Variants in MPP7 observed in about 807,000 individuals in gnomAD.
MPP7 encodes the protein MAGUK p55 scaffold protein 7.
Under a neutral mutation model 76.5 loss-of-function variants are expected in MPP7, and 60 were observed. The ratio of observed to expected loss-of-function variants is 0.78; its 90% CI spans 0.64 to 0.97. The LOEUF (loss-of-function observed/expected upper bound fraction) is 0.97. Among genes scored for constraint, MPP7 ranks in the 50% least tolerant of loss-of-function variants. The pLI is 0.00. For missense variants in MPP7, 641 were observed against 694.0 expected (o/e 0.92, Z 0.86); for synonymous variants, 237 against 244.5 (o/e 0.97, Z 0.29).
At chr10:28,170,752 T>C (rs1474603480) in intron 3 of MPP7, among the ~76,000 whole-genome samples, 1 of 152,122 alleles carries the variant, frequency 6.6e-6, no homozygotes, top group Non-Finnish European at 1.5e-5. Flanking sequence ...CACAATTAGA[T>C]TTTTAGAAGT....
At chr10:28,196,481 A>G (rs1306428687) in intron 3 of MPP7, among the ~76,000 whole-genome samples, 1 of 126 alleles carries the variant, frequency 7.9e-3, no homozygotes, top group Admixed American at 0.083. Context: ...CTCCATCTCG[A>G]AAAAAAAAAA....
At chr10:28,316,076 T>G (rs1014226656) in intron 2 of MPP7, among the ~76,000 whole-genome samples, 1 of 152,034 alleles carries the variant, frequency 6.6e-6, no homozygotes, top group Non-Finnish European at 1.5e-5. Flanking sequence ...TAAAGAGACA[T>G]GACAAGTAAA....
intron 11 of MPP7, among the ~76,000 whole-genome samples, chr10:28,116,559 T>A (rs1588794901): frequency 6.6e-6 from 1 of 152,094 alleles, no homozygotes; most frequent in African/African-American, 2.4e-5. Context: ...TCTGCATTAC[T>A]AATATAAATC....
At chr10:28,233,843 C>G (rs181088822) in intron 2 of MPP7, among the ~76,000 whole-genome samples, 3 of 151,696 alleles carry the variant, frequency 2.0e-5, no homozygotes, top group Non-Finnish European at 4.4e-5. Context: ...TTGAGACCAG[C>G]CTGGGCAACA....
intron 9 of MPP7, 63 bp from the exon 10 acceptor site, chr10:28,120,453 T>C: frequency 6.6e-7 from 1 of 1,515,948 alleles, no homozygotes; most frequent in Admixed American, 1.8e-5. Context: ...TGGCCTATAT[T>C]CTCCTAACTC....
Position 28,316,435 on chromosome 10 carries a change from T to TAAAAAAA in MPP7, c.-132+13487_-132+13493dup, listed in dbSNP as rs549621404. Among the ~76,000 whole-genome samples, 68 of 37,150 alleles carry TAAAAAAA rather than the reference T, an allele frequency of 1.8e-3. 6 individuals carry two copies. The highest frequency in any genetic ancestry group is 4.1e-3 in the African/African-American group (49 of 11,914). The allele number at this position is 37,150 out of a possible 152,430, so 24.4% of individuals were successfully genotyped here. A position where few individuals can be genotyped will look rare whatever the true frequency, so the allele number is the denominator to read the frequency against. On this transcript the variant is annotated intron_variant, in intron 2 of 11. Transcript: ENST00000441595. ...GGGCAACAGAGTAAGACTCTGTCTT[T>TAAAAAAA]AAAAAAAAAAAAAAAAAAAAAAAAA...
chr10:28,194,820 A>C (rs1000448795), intron 3 of MPP7, among the ~76,000 whole-genome samples: 1 of 152,226 alleles, frequency 6.6e-6, no homozygotes, highest in Non-Finnish European at 1.5e-5. Flanking sequence ...CAAAACCTGG[A>C]AGTATACAAC....
chr10:28,189,163 A>G (rs1020277015), intron 3 of MPP7, among the ~76,000 whole-genome samples: 21 of 152,214 alleles, frequency 1.4e-4, no homozygotes, highest in Non-Finnish European at 5.9e-5. Flanking sequence ...TAGCATAGAG[A>G]TAAGTAAAAT....
rs920787437 is a variant in MPP7 at position 28,051,284 on chromosome 10, G to C, written c.*2781C>G. 1 of 152,106 alleles carries C rather than the reference G, an allele frequency of 6.6e-6. No individual in the cohort carries two copies. Among genetic ancestry groups the C allele is most frequent in the Admixed American group, 6.5e-5 (1 of 15,278 alleles). 9.4% of individuals were successfully genotyped at this position (152,106 alleles called of 1,614,324 possible). On this transcript the variant is annotated 3_prime_UTR_variant, in exon 17 of 17. Transcript: ENST00000683449. ...AATCTGTATCTTTAGAAAGAACATA[G>C]TTTTGTAAGTCTGAGAAGGTTATGT...
chr10:28,243,883 G>A (rs941103113), intron 1 of MPP7, among the ~76,000 whole-genome samples: 2 of 152,150 alleles, frequency 1.3e-5, no homozygotes, highest in African/African-American at 4.8e-5. Context: ...GTGTTAACAT[G>A]AAGCAAATTT....
chr10:28,056,662 T>C (rs368533979), intron 15 of MPP7, 39 bp from the exon 16 acceptor site: 6 of 1,500,672 alleles, frequency 4.0e-6, no homozygotes, highest in Non-Finnish European at 5.3e-6. Context: ...CATTTCTCCA[T>C]AGCATCATGA....
chr10:28,134,580 G>C (rs1226567128), intron 5 of MPP7, among the ~76,000 whole-genome samples: 1 of 151,994 alleles, frequency 6.6e-6, no homozygotes, highest in African/African-American at 2.4e-5. Flanking sequence ...TTTTAATGGG[G>C]AAGAAATAAA....
intron 3 of MPP7, among the ~76,000 whole-genome samples, chr10:28,199,969 G>T (rs1214638166): frequency 1.3e-5 from 2 of 152,010 alleles, no homozygotes; most frequent in African/African-American, 2.4e-5. Flanking sequence ...TGTTCACTCA[G>T]TTCTAAACCA....
intron 3 of MPP7, among the ~76,000 whole-genome samples, chr10:28,151,462 A>G (rs4749311): frequency 0.19 from 29,593 of 152,150 alleles, 3,098 homozygotes; most frequent in East Asian, 0.37. Context: ...ACATCTCAAC[A>G]TATAGTATCA....
At chr10:28,297,355 C>A (rs1370235253) in intron 1 of MPP7, among the ~76,000 whole-genome samples, 2 of 152,132 alleles carry the variant, frequency 1.3e-5, no homozygotes, top group Non-Finnish European at 1.5e-5. Flanking sequence ...GCTGACTGAA[C>A]AAGGTGCTGG....
intron 3 of MPP7, among the ~76,000 whole-genome samples, chr10:28,171,973 CT>C (rs1836697184): frequency 1.3e-5 from 2 of 152,312 alleles, no homozygotes; most frequent in South Asian, 2.1e-4. Flanking sequence ...TCCTCATAGT[CT>C]TTCCCTGGAT....
intron 3 of MPP7, among the ~76,000 whole-genome samples, chr10:28,169,351 A>G (rs1343526038): frequency 6.6e-6 from 1 of 152,080 alleles, no homozygotes; most frequent in African/African-American, 2.4e-5. Flanking sequence ...ATTAGCCAGG[A>G]AAGGTCCCCA....
chr10:28,296,764 T>A (rs550880372), intron 1 of MPP7, among the ~76,000 whole-genome samples: 2 of 152,368 alleles, frequency 1.3e-5, no homozygotes, highest in Admixed American at 1.3e-4. Context: ...AACATTTATA[T>A]GCCTGGAAAA....
At chr10:28,234,340 G>C (rs939504360) in intron 2 of MPP7, among the ~76,000 whole-genome samples, 3 of 152,234 alleles carry the variant, frequency 2.0e-5, no homozygotes, top group Non-Finnish European at 2.9e-5. Context: ...ACTCCATACT[G>C]ATCTGAATGA....
Sources: gnomAD v4.1 joint callset for allele counts (sites outside exome capture counted in the v4.1 genomes callset) on GRCh38, gnomAD v4.1.1 for gene constraint, MANE v1.5 for transcripts, NCBI Gene and HGNC (gene_info 2026-07-23, HGNC 2026-07-21) for gene names.